The following NDST4 variants were observed in gnomAD, a reference collection of about 807,000 sequenced individuals.
NDST4 encodes N-heparan sulfate sulfotransferase 4.
A neutral mutation model predicts 100.8 loss-of-function variants in NDST4; 63 were observed. That is an observed-to-expected ratio of 0.62 (90% confidence interval 0.51 to 0.77). NDST4 has a LOEUF of 0.77. NDST4 is among the 30% of genes least tolerant of loss of function. The pLI, the probability that NDST4 is intolerant of heterozygous loss-of-function variation, is 0.00. For synonymous variants in NDST4, 377 were observed against 361.8 expected (o/e 1.04, Z -0.48); for missense variants, 943 against 1,018.4 (o/e 0.93, Z 1.01).
intron 2 of NDST4, among the ~76,000 whole-genome samples, chr4:115,040,863 T>C (rs910215093): frequency 6.6e-6 from 1 of 152,110 alleles, no homozygotes; most frequent in Non-Finnish European, 1.5e-5. Context: ...TATATATATA[T>C]ATTTAAATGT....
rs1338511975 is a variant in NDST4 at position 115,076,183 on chromosome 4, A to C, written c.854T>G (p.Ile285Arg). ...LNFWLHKLIF[I>R]DAISFLSGKR... is the part of the protein sequence containing the mutation. ...CCCTGACAAGAAGGAGATGGCATCT[A>C]TGAAGATGAGCTTGTGCAGCCAAAA... The change falls in exon 2 of 14, where the codon ATA (isoleucine) becomes AGA (arginine). Residue 285 changes from isoleucine (I) to arginine (R), a missense_variant. Around this residue, in one of 2 missense-constraint regions of NDST4, gnomAD observed 417 missense variants for 384.2 expected, o/e 1.09. Transcript: ENST00000264363. The C allele has an allele frequency of 6.2e-7, 1 of 1,613,858 alleles. No homozygotes were observed. Among genetic ancestry groups the C allele is most frequent in the Non-Finnish European group, 8.5e-7 (1 of 1,179,948 alleles).
intron 6 of NDST4, among the ~76,000 whole-genome samples, chr4:114,871,327 T>C (rs1039211755): frequency 6.6e-6 from 1 of 151,646 alleles, no homozygotes; most frequent in East Asian, 1.9e-4. Flanking sequence ...TGTAGATATG[T>C]GTACAGGTTG....
At chr4:115,064,793 T>C (rs530950658) in intron 2 of NDST4, among the ~76,000 whole-genome samples, 1 of 152,256 alleles carries the variant, frequency 6.6e-6, no homozygotes, top group Admixed American at 6.5e-5. Context: ...CTGTTTTTCT[T>C]CTTCTTTGAT....
Position 115,106,852 on chromosome 4 carries a change from G to A in NDST4, c.-247+6592C>T, listed in dbSNP as rs546155582. On this transcript the variant is annotated intron_variant, in intron 1 of 13. Coordinates refer to ENST00000264363, the MANE Select transcript of NDST4 (RefSeq NM_022569.3). ...GATATGGAGCCAGCTCCTCTGCTACGTAAGATTTAGTAATAGCACTGAGAC... is the reference window on the plus strand; with the variant it reads ...GATATGGAGCCAGCTCCTCTGCTACATAAGATTTAGTAATAGCACTGAGAC... 3.4e-4 allele frequency among the ~76,000 whole-genome samples: 51 copies of A among 152,124 alleles called. 1 individual carries two copies. In the East Asian group the frequency reaches 6.8e-3, roughly 20 times the overall value.
chr4:115,101,851 T>G (rs1464070795), intron 1 of NDST4, among the ~76,000 whole-genome samples: 1 of 152,150 alleles, frequency 6.6e-6, no homozygotes, highest in Non-Finnish European at 1.5e-5. Flanking sequence ...ATATGAGATT[T>G]CAGAGAGAGT....
chr4:115,075,784 G>GAAAAAAA (rs56658909), intron 2 of NDST4, among the ~76,000 whole-genome samples: 1,091 of 87,318 alleles, frequency 0.012, 59 homozygotes, highest in African/African-American at 0.029. Context: ...AGTCTGTTCA[G>GAAAAAAA]AAAAAAAAAA....
At chr4:115,059,850 C>A (rs1289073643) in intron 2 of NDST4, among the ~76,000 whole-genome samples, 1 of 151,626 alleles carries the variant, frequency 6.6e-6, no homozygotes, top group African/African-American at 2.4e-5. Flanking sequence ...GCTCTTATAA[C>A]TTTTATAATA....
intron 5 of NDST4, among the ~76,000 whole-genome samples, chr4:114,936,027 G>T (rs1392211332): frequency 6.6e-6 from 1 of 150,768 alleles, no homozygotes; most frequent in African/African-American, 2.4e-5. Flanking sequence ...TTATCATAAG[G>T]GTTAATATTA....
At chr4:114,828,690 A>G (rs1017521192) in intron 13 of NDST4, among the ~76,000 whole-genome samples, 1 of 152,170 alleles carries the variant, frequency 6.6e-6, no homozygotes, top group Non-Finnish European at 1.5e-5. Context: ...CAATTGGCAG[A>G]TTTCCATCTC....
chr4:115,070,714 G>A (rs1729057056), intron 2 of NDST4, among the ~76,000 whole-genome samples: 1 of 152,198 alleles, frequency 6.6e-6, no homozygotes, highest in African/African-American at 2.4e-5. Context: ...AATGAGATAA[G>A]GCATGAATAA....
chr4:114,913,144 A>AT (rs5861197), intron 6 of NDST4, among the ~76,000 whole-genome samples: 5 of 151,454 alleles, frequency 3.3e-5, no homozygotes, highest in East Asian at 1.9e-4. Flanking sequence ...ATAAAATTAT[A>AT]TTTTTTTTCA....
Position 114,888,547 on chromosome 4 carries a change from A to C in NDST4, c.1537-17597T>G, listed in dbSNP as rs190309158. ...TCATTTAACGAATGAACTGGTAAAG[A>C]AGTTAAAACTCAGAGAAATTGCATA... On this transcript the variant is annotated intron_variant, in intron 6 of 13. Transcript: ENST00000264363. Among the ~76,000 whole-genome samples the C allele has an allele frequency of 1.6e-4, 24 of 152,340 alleles. No homozygotes were observed. The East Asian group carries it at 4.4e-3, about 28-fold the overall frequency.
At chr4:115,053,525 TCA>T in intron 2 of NDST4, among the ~76,000 whole-genome samples, 1 of 152,140 alleles carries the variant, frequency 6.6e-6, no homozygotes, top group East Asian at 1.9e-4. Context: ...CTTTAAATTC[TCA>T]GTCCTTGCAC....
chr4:114,973,992 T>C (rs1020900098), intron 3 of NDST4, among the ~76,000 whole-genome samples: 6 of 151,848 alleles, frequency 4.0e-5, no homozygotes, highest in African/African-American at 1.4e-4. Flanking sequence ...TAGAAAATAG[T>C]GCCATATGAA....
At chr4:115,088,507 T>A (rs371980613) in intron 1 of NDST4, among the ~76,000 whole-genome samples, 15 of 151,968 alleles carry the variant, frequency 9.9e-5, no homozygotes, top group South Asian at 4.1e-4. Flanking sequence ...CTGAATGGCT[T>A]CAGTCCCTAC....
chr4:114,882,078 G>T (rs1455041152), intron 6 of NDST4, among the ~76,000 whole-genome samples: 1 of 151,612 alleles, frequency 6.6e-6, no homozygotes, highest in East Asian at 1.9e-4. Context: ...AAGAAAAAAA[G>T]GATCAAAATT....
intron 2 of NDST4, among the ~76,000 whole-genome samples, chr4:115,068,856 G>C (rs973554249): frequency 1.3e-5 from 2 of 150,784 alleles, no homozygotes; most frequent in Admixed American, 6.6e-5. Context: ...AAGTAAATCA[G>C]TTATGTTACT....
At chr4:114,947,636 C>T (rs1725894686) in intron 4 of NDST4, among the ~76,000 whole-genome samples, 2 of 151,948 alleles carry the variant, frequency 1.3e-5, no homozygotes, top group Non-Finnish European at 2.9e-5. Flanking sequence ...CCCATTATTA[C>T]ATCATTTCTA....
chr4:114,969,206 T>C (rs907172898), intron 4 of NDST4, among the ~76,000 whole-genome samples: 1 of 149,476 alleles, frequency 6.7e-6, no homozygotes, highest in Admixed American at 6.7e-5. Context: ...CCCAGCTACT[T>C]GGGAGGCTGA....
Sources: allele counts gnomAD v4.1 joint callset (sites outside exome capture counted in the v4.1 genomes callset), GRCh38; gene constraint gnomAD v4.1.1; regional missense constraint gnomAD v4.1.1; transcripts MANE v1.5; gene names NCBI Gene and HGNC (gene_info 2026-07-23, HGNC 2026-07-21).